The following CSMD1 variants were observed in gnomAD, a reference collection of about 807,000 sequenced individuals.
CSMD1 encodes CUB and Sushi multiple domains 1, also known as CUB and sushi domain-containing protein 1.
A neutral mutation model predicts 417.5 loss-of-function variants in CSMD1; 213 were observed. The observed-to-expected ratio is 0.51, with a 90% CI of 0.46 to 0.57. CSMD1 has a LOEUF of 0.57. Ranked by LOEUF, CSMD1 falls within the 20% of genes least tolerant of loss-of-function variation. The probability of loss-of-function intolerance (pLI) is 0.00; values close to 1 mark genes in which losing one functional copy is unlikely to be tolerated. For synonymous variants in CSMD1, 2,862 were observed against 1,736.8 expected (o/e 1.65, Z -16.11); for missense variants, 6,923 against 4,529.7 (o/e 1.53, Z -15.17).
chr8:3,244,547 T>C (rs1239126268), intron 26 of CSMD1, among the ~76,000 whole-genome samples: 2 of 152,174 alleles, frequency 1.3e-5, no homozygotes, highest in Non-Finnish European at 2.9e-5. Flanking sequence ...GGGTCGCCTC[T>C]AACCTAGGTC....
At chr8:4,810,500 T>C (rs896733072) in intron 1 of CSMD1, among the ~76,000 whole-genome samples, 13 of 152,230 alleles carry the variant, frequency 8.5e-5, no homozygotes, top group South Asian at 6.2e-4. Flanking sequence ...TATTTGGCAA[T>C]TGTCTGTAAC....
chr8:2,964,651 G>A (rs569158035), intron 59 of CSMD1, among the ~76,000 whole-genome samples: 53 of 152,308 alleles, frequency 3.5e-4, no homozygotes, highest in Non-Finnish European at 6.3e-4. Context: ...GAATACTGCC[G>A]ACACAACGTA....
At chr8:3,106,456 C>T (rs1816154045) in intron 46 of CSMD1, 72 bp downstream of exon 46, 10 of 871,794 alleles carry the variant, frequency 1.1e-5, no homozygotes, top group South Asian at 1.7e-5. Flanking sequence ...CAAAGAAATG[C>T]AGACCAATAC....
intron 1 of CSMD1, among the ~76,000 whole-genome samples, chr8:4,858,521 G>C (rs1455575085): frequency 6.6e-6 from 1 of 151,992 alleles, no homozygotes; most frequent in African/African-American, 2.4e-5. Flanking sequence ...AAACCCCAAT[G>C]TCTCAGCCCA....
chr8:3,583,207 T>C (rs1800455795), intron 9 of CSMD1, among the ~76,000 whole-genome samples: 1 of 151,960 alleles, frequency 6.6e-6, no homozygotes, highest in South Asian at 2.1e-4. Flanking sequence ...AGCCCACACA[T>C]TTCTCTCCAT....
intron 10 of CSMD1, among the ~76,000 whole-genome samples, chr8:3,558,558 C>CAT (rs1799303974): frequency 4.1e-5 from 6 of 145,916 alleles, no homozygotes; most frequent in Non-Finnish European, 7.6e-5. Context: ...AATGGTACCC[C>CAT]GTGTCCACTC....
rs369769790 is a variant in CSMD1, at chr8:4,700,724, T to C, written c.86-63166A>G. Among the ~76,000 whole-genome samples, 230 of 152,184 alleles carry C rather than the reference T, an allele frequency of 1.5e-3. 1 individual carries two copies. Among genetic ancestry groups the C allele is most frequent in the African/African-American group, 5.4e-3 (226 of 41,516 alleles). ...TCAGAAACTCACAAAATTATATCCATAAAGTCAGCACATTTTATTATATGC... is the reference window on the plus strand; with the variant it reads ...TCAGAAACTCACAAAATTATATCCACAAAGTCAGCACATTTTATTATATGC... On this transcript the variant is annotated intron_variant, in intron 1 of 69. Coordinates refer to ENST00000635120, the MANE Select transcript of CSMD1 (RefSeq NM_033225.6).
intron 3 of CSMD1, among the ~76,000 whole-genome samples, chr8:4,340,559 C>A (rs1800417313): frequency 6.6e-6 from 1 of 152,096 alleles, no homozygotes; most frequent in East Asian, 1.9e-4. Context: ...TGTCCAAGGG[C>A]AATTCAGGGA....
chr8:3,045,255 T>C (rs1306640623), intron 50 of CSMD1, among the ~76,000 whole-genome samples: 1 of 152,256 alleles, frequency 6.6e-6, no homozygotes, highest in East Asian at 1.9e-4. Context: ...GTACTCACGA[T>C]GCAAATTGAC....
chr8:3,946,130 A>G (rs1036310678), intron 5 of CSMD1, among the ~76,000 whole-genome samples: 15 of 152,140 alleles, frequency 9.9e-5, no homozygotes, highest in African/African-American at 3.4e-4. Flanking sequence ...TTCCATGCAC[A>G]TGATCTCACA....
intron 8 of CSMD1, among the ~76,000 whole-genome samples, chr8:3,594,879 G>A (rs528707026): frequency 2.0e-5 from 3 of 152,228 alleles, no homozygotes; most frequent in Admixed American, 6.5e-5. Context: ...TGAGAGCCCT[G>A]CAATAAATAC....
At position 4,841,068 on chromosome 8, in the gene CSMD1, C is replaced by G. The variant is rs886190884; in HGVS notation, c.85+153264G>C. On this transcript the variant is annotated intron_variant, in intron 1 of 69. Transcript: ENST00000635120. ...ACGTTCTTCCTGTATTCTTTCCTGC[C>G]TTGAGAAGAGCACCTGCTCTAAAGG... Among the ~76,000 whole-genome samples the G allele has an allele frequency of 7.9e-5, 12 of 152,308 alleles. No homozygotes were observed. The South Asian group carries it at 2.1e-3, about 26-fold the overall frequency.
chr8:4,007,660 G>C (rs780671442), intron 4 of CSMD1, among the ~76,000 whole-genome samples: 1 of 151,836 alleles, frequency 6.6e-6, no homozygotes, highest in African/African-American at 2.4e-5. Flanking sequence ...CGGCCTGATA[G>C]AAGTATTCTT....
intron 3 of CSMD1, among the ~76,000 whole-genome samples, chr8:4,277,272 G>T (rs1304152943): frequency 2.0e-5 from 3 of 151,908 alleles, no homozygotes; most frequent in Non-Finnish European, 4.4e-5. Flanking sequence ...ATGAAGTTGG[G>T]TTGTATTCTG....
chr8:3,038,214 C>A (rs1016824113), intron 50 of CSMD1, among the ~76,000 whole-genome samples: 3 of 152,170 alleles, frequency 2.0e-5, no homozygotes, highest in Non-Finnish European at 4.4e-5. Context: ...ACTAAATTCA[C>A]CTCATCCAGT....
In CSMD1 at chr8:4,420,001, T is replaced by C. The variant is rs1209881775; in HGVS notation, c.367A>G (p.Thr123Ala). ...STGSILTLWFTTDFAVSAQGF... is the reference protein window; with the variant it reads ...STGSILTLWFATDFAVSAQGF... ...TGGGCACTCACAGCGAAGTCTGTCGTGAACCACAGAGTGAGGATAGATCCT... is the reference window on the plus strand; with the variant it reads ...TGGGCACTCACAGCGAAGTCTGTCGCGAACCACAGAGTGAGGATAGATCCT... Residue 123 changes from threonine to alanine, a missense_variant, in exon 3 of 70, where the codon ACG (threonine) becomes GCG (alanine). Thr to Ala is a moderately conservative substitution (Grantham distance 58). Transcript: ENST00000635120. 6.9e-6 allele frequency: 11 copies of C among 1,589,492 alleles called. No individual in the cohort carries two copies. The highest frequency in any genetic ancestry group is 8.6e-6 in the Non-Finnish European group (10 of 1,167,056).
intron 3 of CSMD1, among the ~76,000 whole-genome samples, chr8:4,072,343 G>A (rs1799603017): frequency 6.6e-6 from 1 of 152,030 alleles, no homozygotes; most frequent in Non-Finnish European, 1.5e-5. Flanking sequence ...TGACACAAAC[G>A]TACAAATACT....
chr8:3,284,831 A>G (rs1213829770), intron 25 of CSMD1, among the ~76,000 whole-genome samples: 1 of 152,122 alleles, frequency 6.6e-6, no homozygotes, highest in East Asian at 1.9e-4. Flanking sequence ...CTGTGTCTGA[A>G]TGGTCTGCTC....
At chr8:4,481,485 A>T (rs1801099215) in intron 2 of CSMD1, among the ~76,000 whole-genome samples, 1 of 152,212 alleles carries the variant, frequency 6.6e-6, no homozygotes, top group Non-Finnish European at 1.5e-5. Context: ...GGGAAGGCAT[A>T]TGAGATTTGA....
Sources: allele counts gnomAD v4.1 joint callset (sites outside exome capture counted in the v4.1 genomes callset), GRCh38; gene constraint gnomAD v4.1.1; transcripts MANE v1.5; gene names NCBI Gene and HGNC (gene_info 2026-07-23, HGNC 2026-07-21).